Variants in IL5 observed in about 807,000 individuals in gnomAD.
IL5 encodes interleukin 5.
IL5 carries 12 observed loss-of-function variants against 16.3 expected under a neutral mutation model. The observed-to-expected ratio is 0.74, with a 90% confidence interval of 0.47 to 1.20. IL5 has a LOEUF of 1.20. Ranked by LOEUF, IL5 falls within the 50% of genes most tolerant of loss-of-function variation. The probability of loss-of-function intolerance (pLI) is 0.00; values close to 1 mark genes in which losing one functional copy is unlikely to be tolerated. For missense variants in IL5, 159 were observed against 153.9 expected (o/e 1.03, Z -0.17); for synonymous variants, 54 against 56.6 (o/e 0.95, Z 0.21).
intron 1 of IL5, among the ~76,000 whole-genome samples, chr5:132,548,820 A>C (rs976835254): frequency 2.0e-5 from 3 of 152,238 alleles, no homozygotes; most frequent in Non-Finnish European, 2.9e-5. Flanking sequence ...AATCTTTCTT[A>C]AATGTACATA....
At chr5:132,545,540 C>G (rs974019800), upstream of IL5, among the ~76,000 whole-genome samples, 1 of 152,062 alleles carries the variant, frequency 6.6e-6, no homozygotes, top group East Asian at 1.9e-4. Context: ...GTAATCCCAG[C>G]ACTTTGGTAA....
At chr5:132,554,571 G>T (rs1336087568) in intron 1 of IL5, among the ~76,000 whole-genome samples, 1 of 152,102 alleles carries the variant, frequency 6.6e-6, no homozygotes, top group Non-Finnish European at 1.5e-5. Flanking sequence ...TGTAGAAATT[G>T]AAACCCTTAT....
chr5:132,543,020 C>A, intron 2 of IL5, 74 bp downstream of exon 2: 1 of 1,106,998 alleles, frequency 9.0e-7, no homozygotes, highest in Non-Finnish European at 1.4e-6. Context: ...CCAATGATAA[C>A]TAATGATTTA....
Position 132,554,366 on chromosome 5 carries a change from C to CA in IL5, c.42+2307dup, listed in dbSNP as rs70974050. ...TGGGTGACAGAGTGAGACTCCATCT[C>CA]AAAAAAAAAAAAAAAAAAAAAGTCT... On this transcript the variant is annotated intron_variant, in intron 1 of 2. Coordinates refer to the IL5 transcript ENST00000450655. Among the ~76,000 whole-genome samples, 336 of 80,960 alleles carry CA rather than the reference C, an allele frequency of 4.2e-3. 2 individuals are homozygous for CA. Among genetic ancestry groups the CA allele is most frequent in the African/African-American group, 0.015 (327 of 22,224 alleles). 53.1% of individuals were successfully genotyped at this position (80,960 alleles called of 152,430 possible). A position where few individuals can be genotyped will look rare whatever the true frequency, so the allele number is the denominator to read the frequency against.
upstream of IL5, among the ~76,000 whole-genome samples, chr5:132,547,131 C>G (rs948052594): frequency 6.6e-6 from 1 of 152,202 alleles, no homozygotes; most frequent in Admixed American, 6.5e-5. Flanking sequence ...ACTACACCCT[C>G]AAGGAGATGG....
chr5:132,550,574 G>A (rs530118633), intron 1 of IL5, among the ~76,000 whole-genome samples: 2 of 152,142 alleles, frequency 1.3e-5, no homozygotes, highest in African/African-American at 4.8e-5. Flanking sequence ...TGCCCATCTC[G>A]GCCTCCCAAA....
At chr5:132,553,938 TAA>T (rs57467548) in intron 1 of IL5, among the ~76,000 whole-genome samples, 27,372 of 86,494 alleles carry the variant, frequency 0.32, 3,673 homozygotes, top group South Asian at 0.37. Context: ...GACTCCGTCT[TAA>T]AAAAAAAAAA....
chr5:132,547,403 C>T (rs1749811515), upstream of IL5, among the ~76,000 whole-genome samples: 2 of 152,194 alleles, frequency 1.3e-5, no homozygotes, highest in Admixed American at 6.5e-5. Flanking sequence ...AACCATGACA[C>T]AAACACTACA....
chr5:132,542,057 G>T lies in IL5; in HGVS notation c.264C>A (p.Phe88Leu). The T allele has an allele frequency of 6.2e-7, 1 of 1,613,810 alleles. No individual in the cohort carries two copies. Among genetic ancestry groups the T allele is most frequent in the Admixed American group, 1.7e-5 (1 of 59,998 alleles). Residue 88 changes from phenylalanine (F) to leucine (L), a missense_variant, in exon 3 of 4, where the codon TTC becomes TTA. Coordinates refer to ENST00000231454, the MANE Select transcript of IL5 (RefSeq NM_000879.3). ...ATTTCTTTATTAAGGACAAGTTTTT[G>T]AATAGTCTTTCCACAGTACCCCCTT... ...TVQGGTVERL[F>L]KNLSLIKKYI...
At chr5:132,552,318 C>A (rs1443681634) in intron 1 of IL5, among the ~76,000 whole-genome samples, 1 of 152,072 alleles carries the variant, frequency 6.6e-6, no homozygotes, top group East Asian at 1.9e-4. Flanking sequence ...TAAAGAAGTT[C>A]TCTATTAGGT....
intron 1 of IL5, among the ~76,000 whole-genome samples, chr5:132,553,733 G>T (rs1749921168): frequency 6.6e-6 from 1 of 151,930 alleles, no homozygotes; most frequent in Non-Finnish European, 1.5e-5. Flanking sequence ...TCAGGGGATA[G>T]AGACCATCCT....
At position 132,555,495 on chromosome 5, in the gene IL5, A is replaced by G. The variant is rs1344870211; in HGVS notation, c.42+1179T>C. Among the ~76,000 whole-genome samples, 2 of 152,212 alleles carry G rather than the reference A, an allele frequency of 1.3e-5. 1 individual carries two copies. The highest frequency in any genetic ancestry group is 6.3e-3 in the Middle Eastern group (2 of 316). On this transcript the variant is annotated intron_variant, in intron 1 of 2. Transcript: ENST00000450655. Reference sequence around the variant, plus strand: ...GTTGTACGTGAGTATACTTAACACCACTGAAATGTACACTTGGTTAAGATA... The same window carrying G: ...GTTGTACGTGAGTATACTTAACACCGCTGAAATGTACACTTGGTTAAGATA...
chr5:132,543,644 T>C (rs1215521139), upstream of IL5: 2 of 477,770 alleles, frequency 4.2e-6, no homozygotes, highest in Non-Finnish European at 6.9e-6. Context: ...TCCAATGCCT[T>C]ATATCTTAAA....
At chr5:132,549,634 T>A (rs1001961701) in intron 1 of IL5, among the ~76,000 whole-genome samples, 2 of 152,178 alleles carry the variant, frequency 1.3e-5, no homozygotes, top group Non-Finnish European at 2.9e-5. Context: ...GTGGGTAACA[T>A]CCATCCTTTT....
chr5:132,544,003 T>C (rs1749745275), upstream of IL5: 1 of 152,552 alleles, frequency 6.6e-6, no homozygotes, highest in South Asian at 2.1e-4. Flanking sequence ...GGTCGAGTTC[T>C]GTTCACTGGG....
upstream of IL5, among the ~76,000 whole-genome samples, chr5:132,546,346 T>A (rs1366079769): frequency 6.6e-6 from 1 of 152,136 alleles, no homozygotes; most frequent in Non-Finnish European, 1.5e-5. Flanking sequence ...GCAACCACGC[T>A]TCTACTTTCT....
upstream of IL5, among the ~76,000 whole-genome samples, chr5:132,545,667 T>C (rs1367448057): frequency 6.6e-6 from 1 of 152,148 alleles, no homozygotes; most frequent in Non-Finnish European, 1.5e-5. Context: ...ATGATCTGTC[T>C]AAAGGTGGCA....
chr5:132,542,202 C>A (rs920923270), intron 2 of IL5, 59 bp from the exon 3 acceptor site: 2 of 1,345,110 alleles, frequency 1.5e-6, no homozygotes, highest in East Asian at 2.3e-5. Flanking sequence ...AAATTTGGTC[C>A]ATTGTCCATT....
At chr5:132,545,729 A>T (rs889005343), upstream of IL5, among the ~76,000 whole-genome samples, 22 of 152,172 alleles carry the variant, frequency 1.4e-4, no homozygotes, top group African/African-American at 5.3e-4. Flanking sequence ...CTGGGCTCAC[A>T]TTACCCGATC....
Sources: allele counts gnomAD v4.1 joint callset (sites outside exome capture counted in the v4.1 genomes callset), GRCh38; gene constraint gnomAD v4.1.1; transcripts MANE v1.5; gene names NCBI Gene and HGNC (gene_info 2026-07-23, HGNC 2026-07-21).